Variants in GRIA4 observed in about 807,000 individuals in gnomAD.
GRIA4 encodes glutamate receptor 4.
Under a neutral mutation model 104.0 loss-of-function variants are expected in GRIA4, and 34 were observed. That is an observed-to-expected ratio of 0.33 (90% CI 0.25 to 0.44). GRIA4 has a LOEUF of 0.44. Among genes scored for constraint, GRIA4 ranks in the 20% least tolerant of loss-of-function variants. The pLI is 1.00. For missense variants in GRIA4, 750 were observed against 1,096.5 expected, an observed-to-expected ratio of 0.68 and a Z score of 4.46; for synonymous variants, 386 against 381.9, an observed-to-expected ratio of 1.01 and a Z score of -0.13.
intron 3 of GRIA4, among the ~76,000 whole-genome samples, chr11:105,638,590 T>A (rs1250063264): frequency 6.6e-6 from 1 of 151,982 alleles, no homozygotes; most frequent in Non-Finnish European, 1.5e-5. Flanking sequence ...GTTTCTCCCA[T>A]AGCAGTGCAT....
chr11:105,630,479 G>A (rs760599696), intron 3 of GRIA4, among the ~76,000 whole-genome samples: 4 of 152,046 alleles, frequency 2.6e-5, no homozygotes, highest in Admixed American at 6.6e-5. Flanking sequence ...CAGGAGAATC[G>A]CTTGAACCTG....
chr11:105,835,598 A>G (rs1172578918), intron 4 of GRIA4, among the ~76,000 whole-genome samples: 2 of 151,980 alleles, frequency 1.3e-5, no homozygotes, highest in African/African-American at 4.8e-5. Flanking sequence ...AAAGCCATGG[A>G]TTTTTATTAA....
At chr11:105,924,225 T>G (rs768380860) in intron 11 of GRIA4, among the ~76,000 whole-genome samples, 174 bp from the exon 12 acceptor site, 4 of 152,192 alleles carry the variant, frequency 2.6e-5, no homozygotes, top group Non-Finnish European at 5.9e-5. Context: ...TAATATCTTA[T>G]GAAAAAATTA....
intron 12 of GRIA4, among the ~76,000 whole-genome samples, chr11:105,926,194 A>T (rs950696041): frequency 3.4e-5 from 5 of 147,326 alleles, no homozygotes; most frequent in African/African-American, 1.3e-4. Context: ...ACATCCCATC[A>T]TCCTGGCAGG....
At chr11:105,772,058 C>A (rs10736647) in intron 4 of GRIA4, among the ~76,000 whole-genome samples, 69,061 of 151,910 alleles carry the variant, frequency 0.45, 16,110 homozygotes, top group Middle Eastern at 0.52. Context: ...GTAATAATTT[C>A]ATAGCCACCT....
intron 5 of GRIA4, among the ~76,000 whole-genome samples, chr11:105,867,102 T>A (rs1488236899): frequency 6.6e-6 from 1 of 152,064 alleles, no homozygotes; most frequent in Non-Finnish European, 1.5e-5. Context: ...AGACACAGTG[T>A]GAATCTCGGA....
chr11:105,953,128 C>G (rs1948496333), intron 14 of GRIA4, among the ~76,000 whole-genome samples: 1 of 152,226 alleles, frequency 6.6e-6, no homozygotes, highest in Non-Finnish European at 1.5e-5. Flanking sequence ...ATTGATAATG[C>G]TGAAAACTGG....
intron 10 of GRIA4, among the ~76,000 whole-genome samples, chr11:105,915,736 T>C (rs1215087868): frequency 6.6e-6 from 1 of 152,194 alleles, no homozygotes; most frequent in Non-Finnish European, 1.5e-5. Context: ...TCTTGTTCCC[T>C]AAGTCATATG....
chr11:105,722,810 T>C (rs1937918720), intron 3 of GRIA4, among the ~76,000 whole-genome samples: 1 of 152,056 alleles, frequency 6.6e-6, no homozygotes, highest in Admixed American at 6.6e-5. Context: ...TAAGTAAAAA[T>C]TTAGATAAAT....
At chr11:105,776,463 GA>G (rs1326077936) in intron 4 of GRIA4, among the ~76,000 whole-genome samples, 5 of 152,136 alleles carry the variant, frequency 3.3e-5, no homozygotes, top group African/African-American at 1.2e-4. Context: ...TGGAAAAATA[GA>G]TAGTAAACAG....
At chr11:105,720,898 T>C (rs1049271723) in intron 3 of GRIA4, among the ~76,000 whole-genome samples, 22 of 152,318 alleles carry the variant, frequency 1.4e-4, no homozygotes, top group Middle Eastern at 3.4e-3. Flanking sequence ...TGAGATTATT[T>C]GATTTAAGCT....
chr11:105,796,869 G>A (rs1286424573), intron 4 of GRIA4, among the ~76,000 whole-genome samples: 2 of 151,366 alleles, frequency 1.3e-5, no homozygotes, highest in Non-Finnish European at 2.9e-5. Context: ...TTTTGGTAAT[G>A]AGAAGAAAGA....
intron 4 of GRIA4, among the ~76,000 whole-genome samples, chr11:105,809,738 G>A (rs1463872643): frequency 2.6e-5 from 4 of 152,072 alleles, no homozygotes; most frequent in Non-Finnish European, 5.9e-5. Flanking sequence ...GCAGAACTGT[G>A]AGTCAATTAA....
At chr11:105,797,931 G>T (rs982015594) in intron 4 of GRIA4, 3 of 396,554 alleles carry the variant, frequency 7.6e-6, no homozygotes, top group Non-Finnish European at 1.5e-5. Flanking sequence ...GGAATGAGCT[G>T]ATGCCAAGTT....
chr11:105,956,389 C>G (rs1948591349), intron 14 of GRIA4, among the ~76,000 whole-genome samples: 4 of 151,996 alleles, frequency 2.6e-5, no homozygotes, highest in Admixed American at 2.0e-4. Context: ...ATAGTTTGCC[C>G]AGAATGATGG....
At chr11:105,796,028 T>A (rs2135820601) in intron 4 of GRIA4, among the ~76,000 whole-genome samples, 1 of 152,144 alleles carries the variant, frequency 6.6e-6, no homozygotes, top group East Asian at 1.9e-4. Flanking sequence ...CTAATCATTA[T>A]CCCAAGCTTT....
At chr11:105,839,517 G>A (rs1483495222) in intron 4 of GRIA4, among the ~76,000 whole-genome samples, 2 of 144,390 alleles carry the variant, frequency 1.4e-5, no homozygotes, top group Admixed American at 1.4e-4. Flanking sequence ...ATGGAAAAAC[G>A]TTACTCTTCC....
intron 4 of GRIA4, among the ~76,000 whole-genome samples, chr11:105,783,208 G>T (rs951863193): frequency 1.3e-5 from 2 of 152,108 alleles, no homozygotes; most frequent in Admixed American, 1.3e-4. Flanking sequence ...ACATATAACT[G>T]TCAAGGAGGA....
At chr11:105,960,035 T>C (rs958592716) in intron 14 of GRIA4, among the ~76,000 whole-genome samples, 6 of 152,208 alleles carry the variant, frequency 3.9e-5, no homozygotes, top group African/African-American at 1.4e-4. Flanking sequence ...CTGATGCCAG[T>C]AGGATCGCTC....
Sources: allele counts gnomAD v4.1 joint callset (sites outside exome capture counted in the v4.1 genomes callset), GRCh38; gene constraint gnomAD v4.1.1; transcripts MANE v1.5; gene names NCBI Gene and HGNC (gene_info 2026-07-23, HGNC 2026-07-21).